The following SYT1 variants were observed in gnomAD, a reference collection of about 807,000 sequenced individuals.
SYT1 encodes the protein synaptotagmin 1.
A neutral mutation model predicts 44.8 loss-of-function variants in SYT1; 8 were observed. The observed-to-expected ratio is 0.18, with a 90% CI of 0.10 to 0.32. The LOEUF (loss-of-function observed/expected upper bound fraction) is 0.32, where lower values mean the gene tolerates loss of function less well. Among genes scored for constraint, SYT1 ranks in the 10% least tolerant of loss-of-function variants. SYT1 has a pLI of 1.00. For synonymous variants in SYT1, 154 were observed against 188.8 expected, an observed-to-expected ratio of 0.82 and a Z score of 1.51; for missense variants, 286 against 509.3, an observed-to-expected ratio of 0.56 and a Z score of 4.22.
intron 3 of SYT1, among the ~76,000 whole-genome samples, chr12:79,059,201 GC>G (rs1319622620): frequency 6.6e-6 from 1 of 151,884 alleles, no homozygotes; most frequent in Non-Finnish European, 1.5e-5. Flanking sequence ...TGGGAAAGAC[GC>G]CCCCATAATT....
chr12:79,110,275 C>T (rs1243381403), intron 3 of SYT1, among the ~76,000 whole-genome samples: 2 of 151,972 alleles, frequency 1.3e-5, no homozygotes, highest in Non-Finnish European at 2.9e-5. Context: ...GTGAGCTGAC[C>T]TCCAATATTT....
chr12:79,203,062 C>T (rs1051245395), intron 3 of SYT1, among the ~76,000 whole-genome samples: 1 of 149,106 alleles, frequency 6.7e-6, no homozygotes, highest in Non-Finnish European at 1.5e-5. Flanking sequence ...AAGTTAGCTT[C>T]GCCTAGTAGA....
chr12:79,161,923 A>G (rs1245310918), intron 3 of SYT1, among the ~76,000 whole-genome samples: 1 of 152,144 alleles, frequency 6.6e-6, no homozygotes, highest in Admixed American at 6.6e-5. Context: ...CCCTAAGGAT[A>G]TCTGGAATTG....
At chr12:79,033,060 C>G (rs1872921999) in intron 2 of SYT1, among the ~76,000 whole-genome samples, 1 of 151,320 alleles carries the variant, frequency 6.6e-6, no homozygotes, top group Non-Finnish European at 1.5e-5. Context: ...AGGAATTAAT[C>G]TGATATTTCT....
intron 9 of SYT1, among the ~76,000 whole-genome samples, chr12:79,410,989 C>T (rs1045934514): frequency 2.6e-5 from 4 of 152,088 alleles, no homozygotes; most frequent in African/African-American, 9.7e-5. Flanking sequence ...ACAGCAATAA[C>T]CAACCACAAA....
chr12:78,923,359 T>G (rs1219618488), intron 1 of SYT1, among the ~76,000 whole-genome samples: 1 of 151,932 alleles, frequency 6.6e-6, no homozygotes, highest in Non-Finnish European at 1.5e-5. Context: ...TATTGGCATG[T>G]GTTACAGCTC....
intron 9 of SYT1, among the ~76,000 whole-genome samples, chr12:79,431,723 A>T (rs1476614100): frequency 6.6e-6 from 1 of 151,766 alleles, no homozygotes; most frequent in Admixed American, 6.6e-5. Context: ...TTGTATTTTT[A>T]GTACAGACGG....
chr12:79,161,634 G>A (rs1261924006), intron 3 of SYT1, among the ~76,000 whole-genome samples: 2 of 152,090 alleles, frequency 1.3e-5, no homozygotes, highest in South Asian at 4.1e-4. Flanking sequence ...ACTTATAACT[G>A]CATAACAGAT....
intron 1 of SYT1, among the ~76,000 whole-genome samples, chr12:78,890,110 A>C (rs1361491370): frequency 6.6e-6 from 1 of 151,594 alleles, no homozygotes; most frequent in Non-Finnish European, 1.5e-5. Flanking sequence ...TCACCTCAAA[A>C]ATAATATTTT....
intron 8 of SYT1, among the ~76,000 whole-genome samples, chr12:79,311,782 A>G (rs1204253369): frequency 1.4e-5 from 2 of 146,700 alleles, no homozygotes; most frequent in African/African-American, 2.5e-5. Context: ...AAAAGCAAAC[A>G]CCGCATGTTC....
At chr12:79,394,235 G>A (rs1884783089) in intron 9 of SYT1, among the ~76,000 whole-genome samples, 1 of 152,210 alleles carries the variant, frequency 6.6e-6, no homozygotes, top group Non-Finnish European at 1.5e-5. Context: ...CTAGGGGTAT[G>A]TAGCCGGGTA....
chr12:79,335,377 G>GT (rs1346735186), intron 8 of SYT1, among the ~76,000 whole-genome samples: 2 of 146,316 alleles, frequency 1.4e-5, no homozygotes, highest in Non-Finnish European at 3.0e-5. Flanking sequence ...GCCTTTGCTT[G>GT]TGTTCTCTGA....
chr12:79,451,703 AAGT>A lies in SYT1; in HGVS notation c.*2581_*2583del, dbSNP rs972682548. 6.6e-6 allele frequency: 1 copy of A among 152,166 alleles called. No homozygotes were observed. The highest frequency in any genetic ancestry group is 2.4e-5 in the African/African-American group (1 of 41,448). 9.4% of individuals were successfully genotyped at this position (152,166 alleles called of 1,614,324 possible). A position where few individuals can be genotyped will look rare whatever the true frequency, so the allele number is the denominator to read the frequency against. ...TGTACCCTTCTGACAAAGCTGTGTAAAGTATTAGAATCTGATGCTCTAGAAAGA... is the reference window on the plus strand; with the variant it reads ...TGTACCCTTCTGACAAAGCTGTGTAAATTAGAATCTGATGCTCTAGAAAGA... On this transcript the variant is annotated 3_prime_UTR_variant, in exon 11 of 11. Transcript: ENST00000261205.
intron 9 of SYT1, among the ~76,000 whole-genome samples, chr12:79,360,981 T>C (rs1399420520): frequency 1.3e-5 from 2 of 152,130 alleles, no homozygotes; most frequent in African/African-American, 4.8e-5. Flanking sequence ...TGAGCAGATG[T>C]GAAATCAAGA....
intron 3 of SYT1, among the ~76,000 whole-genome samples, chr12:79,070,776 C>T (rs1198487553): frequency 6.6e-6 from 1 of 152,056 alleles, no homozygotes; most frequent in East Asian, 1.9e-4. Context: ...GGGTACTATG[C>T]TTACTACCTG....
chr12:79,227,714 A>G (rs1875605389), intron 4 of SYT1, among the ~76,000 whole-genome samples: 1 of 152,132 alleles, frequency 6.6e-6, no homozygotes, highest in African/African-American at 2.4e-5. Flanking sequence ...TTCCTCCTAT[A>G]TAAAATGGGG....
At chr12:79,314,651 C>T (rs185892792) in intron 8 of SYT1, among the ~76,000 whole-genome samples, 93 of 152,290 alleles carry the variant, frequency 6.1e-4, no homozygotes, top group African/African-American at 2.0e-3. Flanking sequence ...ACTTTTGAAA[C>T]CAGTTTGACA....
At chr12:79,105,582 A>G (rs1244906125) in intron 3 of SYT1, among the ~76,000 whole-genome samples, 1 of 152,160 alleles carries the variant, frequency 6.6e-6, no homozygotes, top group Non-Finnish European at 1.5e-5. Flanking sequence ...TATTGGAGAT[A>G]AGAAAATAAG....
intron 9 of SYT1, among the ~76,000 whole-genome samples, chr12:79,400,530 C>A (rs1456469132): frequency 6.6e-5 from 10 of 152,186 alleles, no homozygotes; most frequent in Non-Finnish European, 1.5e-4. Context: ...TATCAGACAG[C>A]ATTTTCAGTT....
Sources: gnomAD v4.1 joint callset for allele counts (sites outside exome capture counted in the v4.1 genomes callset) on GRCh38, gnomAD v4.1.1 for gene constraint, MANE v1.5 for transcripts, NCBI Gene and HGNC (gene_info 2026-07-23, HGNC 2026-07-21) for gene names.